The following NDUFV2 variants were observed in gnomAD, a reference collection of about 807,000 sequenced individuals.
NDUFV2 encodes the protein NADH:ubiquinone oxidoreductase core subunit V2, also known as NADH dehydrogenase [ubiquinone] flavoprotein 2, mitochondrial.
In NDUFV2, 18 loss-of-function variants were observed where a neutral mutation model predicts 31.6. That is an observed-to-expected ratio of 0.57 (90% CI 0.39 to 0.84). The LOEUF (loss-of-function observed/expected upper bound fraction) is 0.84, where lower values mean the gene tolerates loss of function less well. NDUFV2 is among the 40% of genes least tolerant of loss of function. The probability of loss-of-function intolerance (pLI) is 0.00; values close to 1 mark genes in which losing one functional copy is unlikely to be tolerated. For missense variants in NDUFV2, 314 were observed against 303.6 expected, an observed-to-expected ratio of 1.03 and a Z score of -0.26; for synonymous variants, 83 against 99.8, an observed-to-expected ratio of 0.83 and a Z score of 1.01.
intron 1 of NDUFV2, among the ~76,000 whole-genome samples, chr18:9,110,981 G>A (rs2077867102): frequency 6.6e-6 from 1 of 152,158 alleles, no homozygotes; most frequent in East Asian, 1.9e-4. Context: ...TAAATAACTT[G>A]CATCTTTCTC....
Position 9,126,912 on chromosome 18 carries a change from G to A in NDUFV2, c.656+5G>A. On this transcript the variant is annotated splice_donor_5th_base_variant and intron_variant, in intron 7 of 7. Coordinates refer to ENST00000318388, the MANE Select transcript of NDUFV2 (RefSeq NM_021074.5). ...AATCCCAAAACCAGGGCCAAGGTAT[G>A]CTTTATTTATATATAGGAAGTTTTA... is the stretch of plus-strand genomic sequence containing the variant. The A allele has an allele frequency of 6.2e-7, 1 of 1,611,540 alleles. No homozygotes were observed.
intron 5 of NDUFV2, 64 bp downstream of exon 5, chr18:9,122,745 A>C (rs751753043): frequency 1.3e-6 from 2 of 1,560,202 alleles, no homozygotes; most frequent in African/African-American, 1.4e-5. Context: ...GATTTGGTAC[A>C]TTTCTATCTA....
intron 1 of NDUFV2, among the ~76,000 whole-genome samples, chr18:9,113,706 C>A (rs201406491): frequency 1.5e-4 from 23 of 152,370 alleles, no homozygotes; most frequent in Admixed American, 4.6e-4. Context: ...AGATTACAGA[C>A]ATTGTATAGA....
intron 7 of NDUFV2, among the ~76,000 whole-genome samples, chr18:9,132,908 ATAATACTGTTGTCTTT>A (rs2078052458): frequency 6.6e-6 from 1 of 152,226 alleles, no homozygotes; most frequent in African/African-American, 2.4e-5. Flanking sequence ...ATTGCAAAAT[ATAATACTGTTGTCTTT>A]TTTTTAAAGT....
chr18:9,119,590 G>A lies in NDUFV2; in HGVS notation c.300G>A (p.Lys100=). The change falls in exon 4 of 8, where the codon AAG becomes AAA. Residue 100 remains lysine, a splice_region_variant and synonymous_variant. Coordinates refer to ENST00000318388, the MANE Select transcript of NDUFV2 (RefSeq NM_021074.5). Reference sequence around the variant, plus strand: ...GGTTGCCCATCTCTGCTATGAACAAGGTACTGGATTCATTTTTGCCTTAGT... The same window carrying A: ...GGTTGCCCATCTCTGCTATGAACAAAGTACTGGATTCATTTTTGCCTTAGT... ...NGWLPISAMN[K]VAEVLQVPPM... The A allele has an allele frequency of 6.2e-7, 1 of 1,608,500 alleles. No homozygotes were observed. Among genetic ancestry groups the A allele is most frequent in the Non-Finnish European group, 8.5e-7 (1 of 1,175,010 alleles).
At chr18:9,117,734 T>G (rs2077906053) in intron 1 of NDUFV2, 104 bp from the exon 2 acceptor site, 1 of 715,922 alleles carries the variant, frequency 1.4e-6, no homozygotes, top group Non-Finnish European at 2.5e-6. Context: ...AGATCTTTTA[T>G]AAGTTGATTC....
intron 1 of NDUFV2, among the ~76,000 whole-genome samples, chr18:9,116,420 C>T (rs1277830120): frequency 2.6e-5 from 4 of 152,114 alleles, no homozygotes; most frequent in African/African-American, 9.7e-5. Flanking sequence ...TGATGTTACT[C>T]AAAAATTGTT....
chr18:9,119,258 GT>G, intron 2 of NDUFV2, 67 bp from the exon 3 acceptor site: 1 of 1,153,132 alleles, frequency 8.7e-7, no homozygotes, highest in Non-Finnish European at 1.3e-6. Flanking sequence ...TAATAGTATA[GT>G]AATGTACAGT....
intron 1 of NDUFV2, among the ~76,000 whole-genome samples, chr18:9,107,146 A>G (rs1300637582): frequency 3.3e-5 from 5 of 152,206 alleles, no homozygotes; most frequent in African/African-American, 1.2e-4. Context: ...CAGTTTAAGG[A>G]GAGAGAGAAT....
intron 7 of NDUFV2, among the ~76,000 whole-genome samples, chr18:9,127,752 A>C (rs1037560224): frequency 6.6e-6 from 1 of 152,180 alleles, no homozygotes; most frequent in Non-Finnish European, 1.5e-5. Context: ...GATTACAGGC[A>C]TGAGCCACTG....
At chr18:9,118,502 A>G (rs2077910592) in intron 2 of NDUFV2, among the ~76,000 whole-genome samples, 3 of 152,180 alleles carry the variant, frequency 2.0e-5, no homozygotes, top group South Asian at 2.1e-4. Context: ...GCTTCCTGCT[A>G]TATATCAAGC....
chr18:9,125,646 T>C (rs1331681450), intron 6 of NDUFV2, among the ~76,000 whole-genome samples: 3 of 152,176 alleles, frequency 2.0e-5, no homozygotes, highest in Non-Finnish European at 1.5e-5. Flanking sequence ...TAAAAATTGC[T>C]TGCTACCCTA....
intron 1 of NDUFV2, among the ~76,000 whole-genome samples, chr18:9,108,528 A>T (rs2077853035): frequency 6.6e-6 from 1 of 152,138 alleles, no homozygotes; most frequent in Non-Finnish European, 1.5e-5. Context: ...TGCTGAGAGG[A>T]ATAAATGGAT....
chr18:9,113,706 C>T (rs201406491), intron 1 of NDUFV2, among the ~76,000 whole-genome samples: 2 of 152,370 alleles, frequency 1.3e-5, no homozygotes, highest in East Asian at 3.9e-4. Flanking sequence ...AGATTACAGA[C>T]ATTGTATAGA....
chr18:9,116,144 G>A lies in NDUFV2; in HGVS notation c.55-1694G>A, dbSNP rs183080718. ...GATCTCTTCAGGCTATTAGCCTCTT[G>A]TCATCAAATGTGTGTAAGATTTAAG... On this transcript the variant is annotated intron_variant, in intron 1 of 7. Transcript: ENST00000318388. 3.1e-4 allele frequency among the ~76,000 whole-genome samples: 47 copies of A among 152,246 alleles called. 1 individual carries two copies. Among genetic ancestry groups the A allele is most frequent in the Admixed American group, 2.2e-3 (33 of 15,288 alleles).
Position 9,119,330 on chromosome 18 carries a change from G to A in NDUFV2, c.125G>A (p.Arg42Lys). ...NGAGGALFVH[R>K]DTPENNPDTP... ...AAAACTGTTTTTGTTGTGTAGCACAGAGATACTCCTGAGAATAACCCTGAT... is the reference window on the plus strand; with the variant it reads ...AAAACTGTTTTTGTTGTGTAGCACAAAGATACTCCTGAGAATAACCCTGAT... Residue 42 changes from arginine to lysine, a missense_variant, in exon 3 of 8, where the codon AGA (arginine) becomes AAA (lysine). Transcript: ENST00000318388. 6.2e-7 allele frequency: 1 copy of A among 1,612,436 alleles called. No individual in the cohort carries two copies.
At chr18:9,126,591 G>A (rs2077992684) in intron 6 of NDUFV2, 1 of 471,848 alleles carries the variant, frequency 2.1e-6, no homozygotes, top group African/African-American at 2.0e-5. Context: ...TGTGAGCTGA[G>A]ACAGACAATA....
Position 9,119,326 on chromosome 18 carries a change from C to T in NDUFV2, c.121C>T (p.His41Tyr), listed in dbSNP as rs202166758. 18 of 1,611,836 alleles carry T rather than the reference C, an allele frequency of 1.1e-5. No homozygotes were observed. In the East Asian group the frequency reaches 4.0e-4, roughly 36 times the overall value. ...CTGAAAAACTGTTTTTGTTGTGTAGCACAGAGATACTCCTGAGAATAACCC... is the reference window on the plus strand; with the variant it reads ...CTGAAAAACTGTTTTTGTTGTGTAGTACAGAGATACTCCTGAGAATAACCC... ...QNGAGGALFV[H>Y]RDTPENNPDT... The change falls in exon 3 of 8, where the codon CAC (histidine) becomes TAC (tyrosine). Residue 41 changes from histidine to tyrosine, a missense_variant and splice_region_variant. His to Tyr is a moderately conservative substitution (Grantham distance 83). Coordinates refer to ENST00000318388, the MANE Select transcript of NDUFV2 (RefSeq NM_021074.5).
chr18:9,121,211 TG>T (rs2077932798), intron 4 of NDUFV2: 1 of 152,218 alleles, frequency 6.6e-6, no homozygotes, highest in African/African-American at 2.4e-5. Flanking sequence ...TTTATTTTAA[TG>T]TTACTGCCCC....
Sources: gnomAD v4.1 joint callset for allele counts (sites outside exome capture counted in the v4.1 genomes callset) on GRCh38, gnomAD v4.1.1 for gene constraint, MANE v1.5 for transcripts, NCBI Gene and HGNC (gene_info 2026-07-23, HGNC 2026-07-21) for gene names.